Variants in TAMM41 observed in about 807,000 individuals in gnomAD.
The protein encoded by TAMM41 is TAM41 mitochondrial translocator assembly and maintenance homolog, also known as phosphatidate cytidylyltransferase, mitochondrial.
Under a neutral mutation model 44.1 loss-of-function variants are expected in TAMM41, and 36 were observed. The observed-to-expected ratio is 0.82, with a 90% CI of 0.63 to 1.08. The LOEUF is 1.08. Ranked by LOEUF, TAMM41 falls within the 50% of genes least tolerant of loss-of-function variation. The pLI is 0.00. For synonymous variants in TAMM41, 164 were observed against 153.1 expected (o/e 1.07, Z -0.53); for missense variants, 417 against 404.3 (o/e 1.03, Z -0.27).
the TAMM41 span, among the ~76,000 whole-genome samples, chr3:11,772,666 C>T: frequency 6.6e-6 from 1 of 152,044 alleles, no homozygotes; most frequent in Non-Finnish European, 1.5e-5. Flanking sequence ...TGCATCTTTT[C>T]CCTTTGGGTA....
At chr3:11,789,715 T>C (rs1454504547), downstream of TAMM41, among the ~76,000 whole-genome samples, 1 of 152,206 alleles carries the variant, frequency 6.6e-6, no homozygotes, top group East Asian at 1.9e-4. Context: ...GGAAGGTTTC[T>C]TGCTTTTCTA....
intron 5 of TAMM41, among the ~76,000 whole-genome samples, chr3:11,810,486 T>A (rs2078053459): frequency 6.6e-6 from 1 of 152,208 alleles, no homozygotes; most frequent in Admixed American, 6.5e-5. Context: ...ACACTGTGCC[T>A]CGTGGAATGA....
At chr3:11,841,715 T>G (rs561020489) in intron 2 of TAMM41, among the ~76,000 whole-genome samples, 1 of 152,306 alleles carries the variant, frequency 6.6e-6, no homozygotes, top group African/African-American at 2.4e-5. Context: ...AAGGCTGTGC[T>G]GAGTGTCAGC....
the TAMM41 span, among the ~76,000 whole-genome samples, chr3:11,743,623 C>T: frequency 2.0e-5 from 3 of 152,002 alleles, no homozygotes; most frequent in Non-Finnish European, 4.4e-5. Flanking sequence ...GTGAGCCACC[C>T]TGCCTGGCCC....
the TAMM41 span, among the ~76,000 whole-genome samples, chr3:11,756,528 T>C: frequency 6.6e-5 from 10 of 152,166 alleles, no homozygotes; most frequent in Non-Finnish European, 1.2e-4. Context: ...TAAATAACCT[T>C]GCTGAGATTA....
At chr3:11,818,893 A>G (rs4684084) in intron 4 of TAMM41, among the ~76,000 whole-genome samples, 23,266 of 147,156 alleles carry the variant, frequency 0.16, 4,194 homozygotes, top group East Asian at 0.48. Flanking sequence ...GCAAGACTCC[A>G]TCTCAAAAAA....
chr3:11,758,684 T>C, the TAMM41 span, among the ~76,000 whole-genome samples: 1 of 149,978 alleles, frequency 6.7e-6, no homozygotes, highest in East Asian at 2.0e-4. Flanking sequence ...AATTCTGTTT[T>C]TGTTTTTGAG....
chr3:11,722,113 T>G, the TAMM41 span, among the ~76,000 whole-genome samples: 3 of 152,240 alleles, frequency 2.0e-5, no homozygotes, highest in African/African-American at 7.2e-5. Context: ...ATTTCCATTT[T>G]GGGTCAGTGC....
chr3:11,790,300 G>T (rs2077449647), downstream of TAMM41: 4 of 588,560 alleles, frequency 6.8e-6, no homozygotes, highest in South Asian at 6.4e-5. Flanking sequence ...CATGGAGAGG[G>T]TTCTTTTCTT....
the TAMM41 span, among the ~76,000 whole-genome samples, chr3:11,768,837 C>T: frequency 6.6e-6 from 1 of 152,208 alleles, no homozygotes; most frequent in Non-Finnish European, 1.5e-5. Context: ...TATCTACCCA[C>T]AGAGCTTAGG....
chr3:11,788,486 G>A (rs1473980892), downstream of TAMM41, among the ~76,000 whole-genome samples: 2 of 152,038 alleles, frequency 1.3e-5, no homozygotes, highest in Non-Finnish European at 2.9e-5. Context: ...ATGTGCTCTC[G>A]CTATGTTGCC....
the TAMM41 span, among the ~76,000 whole-genome samples, chr3:11,751,382 G>T: frequency 3.9e-5 from 6 of 152,154 alleles, no homozygotes; most frequent in Non-Finnish European, 8.8e-5. Flanking sequence ...ATGAACCACC[G>T]CGCCTGGCCA....
At chr3:11,737,808 G>A in the TAMM41 span, among the ~76,000 whole-genome samples, 61 of 152,270 alleles carry the variant, frequency 4.0e-4, no homozygotes, top group African/African-American at 6.0e-4. Flanking sequence ...CAGATGATAC[G>A]ATTTTGTGAA....
chr3:11,752,625 C>CTTT, the TAMM41 span, among the ~76,000 whole-genome samples: 270 of 39,952 alleles, frequency 6.8e-3, 69 homozygotes, highest in South Asian at 0.018. Flanking sequence ...TCTTACAAAG[C>CTTT]TTTTTTTTTT....
chr3:11,784,791 C>CT, the TAMM41 span, among the ~76,000 whole-genome samples: 1 of 134,326 alleles, frequency 7.4e-6, no homozygotes, highest in African/African-American at 2.8e-5. Flanking sequence ...CACTTCTTTT[C>CT]TTTTCTTTTT....
the TAMM41 span, among the ~76,000 whole-genome samples, chr3:11,751,194 C>G: frequency 2.0e-5 from 3 of 150,384 alleles, no homozygotes; most frequent in Non-Finnish European, 2.9e-5. Context: ...CGGGTTCAAG[C>G]AATTCTCCTG....
the TAMM41 span, among the ~76,000 whole-genome samples, chr3:11,762,524 C>T: frequency 4.6e-5 from 7 of 152,288 alleles, no homozygotes; most frequent in African/African-American, 1.7e-4. Context: ...AAAATATGTG[C>T]TCCGTTATTA....
At chr3:11,762,890 T>C in the TAMM41 span, among the ~76,000 whole-genome samples, 1 of 152,140 alleles carries the variant, frequency 6.6e-6, no homozygotes, top group South Asian at 2.1e-4. Flanking sequence ...TGAAAACCCG[T>C]CTCTTCTAAA....
intron 7 of TAMM41, among the ~76,000 whole-genome samples, chr3:11,798,908 A>C (rs548586392): frequency 2.8e-4 from 43 of 152,268 alleles, no homozygotes; most frequent in African/African-American, 9.9e-4. Context: ...TAGATGCCTT[A>C]ATATATCTTA....
Sources: gnomAD v4.1 joint callset for allele counts (sites outside exome capture counted in the v4.1 genomes callset) on GRCh38, gnomAD v4.1.1 for gene constraint, MANE v1.5 for transcripts, NCBI Gene and HGNC (gene_info 2026-07-23, HGNC 2026-07-21) for gene names.